The following ERICH1 variants were observed in gnomAD, a reference collection of about 807,000 sequenced individuals.
ERICH1 encodes glutamate rich 1, also known as glutamate-rich protein 1.
Under a neutral mutation model 39.6 loss-of-function variants are expected in ERICH1, and 56 were observed. The observed-to-expected ratio is 1.41, with a 90% CI of 1.14 to 1.77. The LOEUF is 1.77. Among genes scored for constraint, ERICH1 ranks in the 40% most tolerant of loss-of-function variants. ERICH1 has a pLI of 0.00. For synonymous variants in ERICH1, 313 were observed against 223.6 expected, an observed-to-expected ratio of 1.40 and a Z score of -3.57; for missense variants, 826 against 575.4, an observed-to-expected ratio of 1.44 and a Z score of -4.45.
intron 3 of ERICH1, among the ~76,000 whole-genome samples, chr8:625,194 T>C (rs1469949999): frequency 6.6e-6 from 1 of 151,898 alleles, no homozygotes; most frequent in African/African-American, 2.4e-5. Flanking sequence ...CATATCAGAG[T>C]CATTCACAAT....
intron 3 of ERICH1, among the ~76,000 whole-genome samples, chr8:678,725 T>C (rs1276907051): frequency 1.3e-5 from 2 of 152,162 alleles, no homozygotes; most frequent in South Asian, 2.1e-4. Flanking sequence ...GAAGAATCGC[T>C]TGAACCTGGG....
intron 3 of ERICH1, among the ~76,000 whole-genome samples, chr8:682,936 T>A (rs1563251921): frequency 6.6e-6 from 1 of 151,900 alleles, no homozygotes; most frequent in East Asian, 1.9e-4. Flanking sequence ...TAAAAAGTAG[T>A]AAACTTCTTA....
intron 3 of ERICH1, among the ~76,000 whole-genome samples, chr8:625,172 A>G (rs905566489): frequency 3.2e-4 from 48 of 152,216 alleles, no homozygotes; most frequent in African/African-American, 1.1e-3. Flanking sequence ...GGGTGGGGAC[A>G]CGAATCCGAA....
At chr8:668,537 A>C in intron 5 of ERICH1, 61 bp downstream of exon 5, 6 of 1,594,666 alleles carry the variant, frequency 3.8e-6, no homozygotes, top group Non-Finnish European at 5.2e-6. Context: ...TAAGTCTTTC[A>C]GAGGCAAACC....
chr8:643,312 G>A (rs1234806544), intron 3 of ERICH1, among the ~76,000 whole-genome samples: 2 of 152,156 alleles, frequency 1.3e-5, no homozygotes, highest in South Asian at 4.1e-4. Context: ...GGGACGGGAA[G>A]CTGGCCAGGC....
At chr8:724,802 T>C (rs1183519733) in intron 1 of ERICH1, among the ~76,000 whole-genome samples, 1 of 152,218 alleles carries the variant, frequency 6.6e-6, no homozygotes, top group East Asian at 1.9e-4. Flanking sequence ...CCGTGTTGTT[T>C]GCACGGGCAG....
At chr8:645,108 G>A (rs915958939) in intron 3 of ERICH1, among the ~76,000 whole-genome samples, 1 of 69,386 alleles carries the variant, frequency 1.4e-5, no homozygotes, top group African/African-American at 3.6e-5. Context: ...ACACAGAGCA[G>A]TGAACCTGAG....
chr8:640,278 C>T (rs941460834), intron 3 of ERICH1, among the ~76,000 whole-genome samples: 3 of 152,206 alleles, frequency 2.0e-5, no homozygotes, highest in Non-Finnish European at 2.9e-5. Context: ...TTTGGCTGAA[C>T]TTTTCACATC....
At position 673,474 on chromosome 8, in the gene ERICH1, G is replaced by A. The variant is rs753220967; in HGVS notation, c.878C>T (p.Thr293Ile). The change falls in exon 4 of 6, where the codon ACC (threonine) becomes ATC (isoleucine). Residue 293 changes from threonine (T) to isoleucine (I), a missense_variant. Physicochemically the swap from Thr to Ile is moderately conservative, Grantham distance 89. Transcript: ENST00000262109. The stretch of plus-strand genomic sequence containing the variant: ...GGCGTCCGCACCGTCCTCCTCCCTG[G>A]TGTCTTTACCGTCTTCCTCCCCGGC... ...TRAGEEDGKDTREEDGADASE... is the reference protein window; with the variant it reads ...TRAGEEDGKDIREEDGADASE... 4.2e-5 allele frequency: 67 copies of A among 1,611,518 alleles called. No homozygotes were observed. The Admixed American group carries it at 1.0e-3, about 25-fold the overall frequency.
chr8:653,510 C>A (rs74652199), intron 3 of ERICH1, among the ~76,000 whole-genome samples: 2 of 152,054 alleles, frequency 1.3e-5, no homozygotes, highest in East Asian at 3.9e-4. Flanking sequence ...TTTTATATAT[C>A]ACTTCCCCTT....
At chr8:615,208 C>G in exon 4 of ERICH1, 1 of 677,204 alleles carries the variant, frequency 1.5e-6, no homozygotes, top group South Asian at 1.6e-5. Flanking sequence ...TTGTCCAAGT[C>G]AGCACCACAG....
intron 2 of ERICH1, among the ~76,000 whole-genome samples, chr8:705,327 T>C (rs1813023954): frequency 6.6e-6 from 1 of 152,262 alleles, no homozygotes; most frequent in Admixed American, 6.5e-5. Context: ...CACTGCGCGA[T>C]GGCCCGTGCA....
At chr8:625,017 C>T (rs554606110) in intron 3 of ERICH1, among the ~76,000 whole-genome samples, 1 of 152,262 alleles carries the variant, frequency 6.6e-6, no homozygotes, top group African/African-American at 2.4e-5. Context: ...TGAGCCACTG[C>T]ACCCGGCCTA....
chr8:710,374 T>G (rs754274479), intron 2 of ERICH1, among the ~76,000 whole-genome samples: 13 of 150,212 alleles, frequency 8.7e-5, no homozygotes, highest in Non-Finnish European at 1.6e-4. Flanking sequence ...CGGGGCGGTT[T>G]CACCGTCCTG....
chr8:715,973 AG>A lies in ERICH1; in HGVS notation c.56del (p.Pro19LeufsTer24), dbSNP rs1345737025. On this transcript the variant is annotated frameshift_variant, in exon 2 of 6. Transcript: ENST00000262109. LOFTEE classifies it high-confidence loss of function. ...FVEKVLQRLF[P>X]PVPSGQGKRE... ...TCTTTCCTTGGCCACTTGGAACAGG[AG>A]GAAAAAGTCTCTGCAGCACCTTCTC... The A allele has an allele frequency of 1.2e-5, 20 of 1,613,586 alleles. No homozygotes were observed. Among genetic ancestry groups the A allele is most frequent in the Non-Finnish European group, 1.6e-5 (19 of 1,179,828 alleles).
intron 3 of ERICH1, among the ~76,000 whole-genome samples, chr8:686,300 G>A (rs1057206779): frequency 6.6e-6 from 1 of 152,098 alleles, no homozygotes; most frequent in African/African-American, 2.4e-5. Context: ...GCAGTGTAAG[G>A]ATACACCACT....
intron 3 of ERICH1, among the ~76,000 whole-genome samples, chr8:687,012 C>A (rs1365055355): frequency 6.6e-6 from 1 of 152,230 alleles, no homozygotes; most frequent in Non-Finnish European, 1.5e-5. Flanking sequence ...CGCTAGGACT[C>A]CTTCAGGAAA....
chr8:631,905 G>C (rs549913559), intron 3 of ERICH1, among the ~76,000 whole-genome samples: 1 of 152,128 alleles, frequency 6.6e-6, no homozygotes, highest in Non-Finnish European at 1.5e-5. Context: ...TCTAGAGGAA[G>C]ATTTAAAGCC....
At chr8:618,000 G>A (rs1407615873) in intron 3 of ERICH1, among the ~76,000 whole-genome samples, 4 of 143,952 alleles carry the variant, frequency 2.8e-5, no homozygotes, top group Non-Finnish European at 4.5e-5. Flanking sequence ...CCCTCTAAGT[G>A]GTCAGTACTT....
Sources: gnomAD v4.1 joint callset for allele counts (sites outside exome capture counted in the v4.1 genomes callset) on GRCh38, gnomAD v4.1.1 for gene constraint, MANE v1.5 for transcripts, NCBI Gene and HGNC (gene_info 2026-07-23, HGNC 2026-07-21) for gene names.